The following GNAO1 variants were observed in gnomAD, a reference collection of about 807,000 sequenced individuals.
GNAO1 encodes the protein guanine nucleotide-binding protein G(o) subunit alpha.
For missense variants in GNAO1, 166 were observed against 478.7 expected (o/e 0.35, Z 6.10); for synonymous variants, 164 against 180.7 (o/e 0.91, Z 0.74).
At chr16:56,255,186 A>G (rs1451562487) in intron 2 of GNAO1, among the ~76,000 whole-genome samples, 2 of 152,190 alleles carry the variant, frequency 1.3e-5, no homozygotes, top group African/African-American at 4.8e-5. Context: ...CAGAACATCT[A>G]CCATTCTCCA....
At chr16:56,234,893 G>A (rs2036622769) in intron 2 of GNAO1, 1 of 176,880 alleles carries the variant, frequency 5.7e-6, no homozygotes, top group African/African-American at 2.4e-5. Flanking sequence ...TTTCACTTTG[G>A]GGGTGGGCAG....
At chr16:56,300,047 GCGCGCACGCACA>G (rs1255209463) in intron 3 of GNAO1, among the ~76,000 whole-genome samples, 9 of 91,946 alleles carry the variant, frequency 9.8e-5, no homozygotes, top group South Asian at 5.9e-4. Context: ...GCGCGCGCGC[GCGCGCACGCACA>G]TGTGCTTGTG....
chr16:56,289,550 A>T (rs1387100949), intron 3 of GNAO1, among the ~76,000 whole-genome samples: 2 of 152,178 alleles, frequency 1.3e-5, no homozygotes, highest in Admixed American at 6.5e-5. Flanking sequence ...GACGCAGGAG[A>T]TGAGCGGCCC....
rs146758317 is a variant in GNAO1, at chr16:56,203,241, C to T, written c.161+10625C>T. On this transcript the variant is annotated intron_variant, in intron 2 of 8. Coordinates refer to ENST00000262493, the MANE Select transcript of GNAO1 (RefSeq NM_020988.3). Reference sequence around the variant, plus strand: ...CCAGTGGGGCTGCCAGTCACTGCCCCCTGCTGCTTGAAGAGAGAAGTAGGT... The same window carrying T: ...CCAGTGGGGCTGCCAGTCACTGCCCTCTGCTGCTTGAAGAGAGAAGTAGGT... 7.2e-5 allele frequency among the ~76,000 whole-genome samples: 11 copies of T among 152,110 alleles called. No individual in the cohort carries two copies. In the East Asian group the frequency reaches 2.1e-3, roughly 30 times the overall value.
At position 56,256,714 on chromosome 16, in the gene GNAO1, C is replaced by G. The variant is rs112685110; in HGVS notation, c.162-19217C>G. Among the ~76,000 whole-genome samples the G allele has an allele frequency of 4.5e-3, 556 of 123,314 alleles. 4 individuals carry two copies. Among genetic ancestry groups the G allele is most frequent in the South Asian group, 0.014 (50 of 3,650 alleles). 80.9% of individuals were successfully genotyped at this position (123,314 alleles called of 152,430 possible). A position where few individuals can be genotyped will look rare whatever the true frequency, so the allele number is the denominator to read the frequency against. ...TCTCTCTCTCTCTCTCTCTCTCTCTCTCTCTGTGTGTGTGTGTGTGTGTGT... is the reference window on the plus strand; with the variant it reads ...TCTCTCTCTCTCTCTCTCTCTCTCTGTCTCTGTGTGTGTGTGTGTGTGTGT... On this transcript the variant is annotated intron_variant, in intron 2 of 8. Transcript: ENST00000262493.
chr16:56,344,109 C>A (rs1485155500), intron 6 of GNAO1: 8 of 1,453,224 alleles, frequency 5.5e-6, no homozygotes, highest in East Asian at 5.0e-5. Flanking sequence ...TCCACCCGCA[C>A]CCCCCAACAG....
chr16:56,192,519 C>T lies in GNAO1; in HGVS notation c.119-55C>T. 2.6e-6 allele frequency: 3 copies of T among 1,171,714 alleles called. No homozygotes were observed. In the Admixed American group the frequency reaches 5.1e-5, roughly 20 times the overall value. The allele number at this position is 1,171,714 out of a possible 1,614,324, so 72.6% of individuals were successfully genotyped here. On this transcript the variant is annotated intron_variant, in intron 1 of 8. Transcript: ENST00000262493. ...CGCATGCCTTAGTCCCCCCCTCCCC[C>T]TGTTCCCTTAAGCTGACACTCACCA...
chr16:56,279,115 C>T (rs934071189), intron 3 of GNAO1, among the ~76,000 whole-genome samples: 1 of 152,094 alleles, frequency 6.6e-6, no homozygotes, highest in Non-Finnish European at 1.5e-5. Flanking sequence ...AAGACAACCC[C>T]ACTCCCAGCA....
rs1174040698 is a variant in GNAO1 at position 56,356,880 on chromosome 16, T to C, written c.*806T>C. 6.6e-6 allele frequency: 1 copy of C among 151,792 alleles called. No homozygotes were observed. Among genetic ancestry groups the C allele is most frequent in the Admixed American group, 6.6e-5 (1 of 15,226 alleles). The allele number at this position is 151,792 out of a possible 1,614,324, so 9.4% of individuals were successfully genotyped here. ...TTTTCCTAGTCTTTGGGAAACGGGT[T>C]GTGTTTTTTTTCCTTTGCCGTGTTG... On this transcript the variant is annotated 3_prime_UTR_variant, in exon 9 of 9. Transcript: ENST00000262493.
intron 2 of GNAO1, among the ~76,000 whole-genome samples, chr16:56,273,885 G>C (rs145492592): frequency 6.6e-6 from 1 of 152,150 alleles, no homozygotes; most frequent in South Asian, 2.1e-4. Context: ...TCTGGGAAGC[G>C]TTCAACTGAT....
At position 56,306,444 on chromosome 16, in the gene GNAO1, G is replaced by A. The variant is rs146148555; in HGVS notation, c.304-22187G>A. 1.7e-3 allele frequency among the ~76,000 whole-genome samples: 254 copies of A among 152,270 alleles called. 1 individual carries two copies. Among genetic ancestry groups the A allele is most frequent in the Non-Finnish European group, 2.2e-3 (153 of 68,016 alleles). On this transcript the variant is annotated intron_variant, in intron 3 of 8. Transcript: ENST00000262493. ...CAACCCCTAGCAGAACCCTTTGCTGGAGAGAGGCCCAGAAAGGGTAGTGCT... is the reference window on the plus strand; with the variant it reads ...CAACCCCTAGCAGAACCCTTTGCTGAAGAGAGGCCCAGAAAGGGTAGTGCT...
At chr16:56,282,317 G>A (rs1420420208) in intron 3 of GNAO1, among the ~76,000 whole-genome samples, 2 of 152,178 alleles carry the variant, frequency 1.3e-5, no homozygotes, top group African/African-American at 4.8e-5. Context: ...AGCGTGCATA[G>A]GATAGTGCCT....
intron 3 of GNAO1, among the ~76,000 whole-genome samples, chr16:56,282,321 A>G (rs1195202942): frequency 2.6e-5 from 4 of 152,242 alleles, no homozygotes; most frequent in African/African-American, 7.2e-5. Context: ...TGCATAGGAT[A>G]GTGCCTGTCA....
intron 6 of GNAO1, chr16:56,346,259 G>A (rs2037868464): frequency 1.0e-6 from 1 of 985,342 alleles, no homozygotes; most frequent in South Asian, 4.7e-5. Flanking sequence ...TGGTGACTGA[G>A]GGTGACAAAT....
chr16:56,232,715 G>A (rs1345110453), intron 2 of GNAO1, among the ~76,000 whole-genome samples: 1 of 152,038 alleles, frequency 6.6e-6, no homozygotes, highest in Non-Finnish European at 1.5e-5. Flanking sequence ...TACAGTTATG[G>A]CTTTTTGTTA....
At chr16:56,221,133 A>C (rs1242283919) in intron 2 of GNAO1, among the ~76,000 whole-genome samples, 1 of 152,098 alleles carries the variant, frequency 6.6e-6, no homozygotes, top group South Asian at 2.1e-4. Flanking sequence ...CCATGGGAGG[A>C]TGCTTCAAGA....
intron 2 of GNAO1, among the ~76,000 whole-genome samples, chr16:56,195,533 A>G (rs1310587671): frequency 6.6e-6 from 1 of 152,222 alleles, no homozygotes; most frequent in Non-Finnish European, 1.5e-5. Context: ...AGGCCCGAAA[A>G]TCTAGGTGGC....
intron 3 of GNAO1, among the ~76,000 whole-genome samples, chr16:56,306,637 G>A (rs944149931): frequency 5.3e-5 from 8 of 152,196 alleles, no homozygotes; most frequent in East Asian, 1.9e-4. Flanking sequence ...ACTACAAGGC[G>A]GGAAATGTCC....
At chr16:56,260,497 A>G (rs1391059503) in intron 2 of GNAO1, among the ~76,000 whole-genome samples, 1 of 152,106 alleles carries the variant, frequency 6.6e-6, no homozygotes, top group Non-Finnish European at 1.5e-5. Context: ...GGCTGAGCAT[A>G]CCTGCCCTCC....
Sources: allele counts gnomAD v4.1 joint callset (sites outside exome capture counted in the v4.1 genomes callset), GRCh38; gene constraint gnomAD v4.1.1; transcripts MANE v1.5; gene names NCBI Gene and HGNC (gene_info 2026-07-23, HGNC 2026-07-21).